SAMSN1: variants seen among roughly 807,000 people sequenced by gnomAD.
SAMSN1 encodes the protein SAM domain, SH3 domain and nuclear localization signals 1, also known as SAM domain-containing protein SAMSN-1.
In SAMSN1, 31 loss-of-function variants were observed where a neutral mutation model predicts 42.0. The ratio of observed to expected loss-of-function variants is 0.74; its 90% CI spans 0.55 to 1.00. SAMSN1 has a LOEUF of 1.00. SAMSN1 is among the 50% of genes least tolerant of loss of function. The pLI is 0.00. For synonymous variants in SAMSN1, 178 were observed against 151.9 expected, an observed-to-expected ratio of 1.17 and a Z score of -1.26; for missense variants, 464 against 439.4, an observed-to-expected ratio of 1.06 and a Z score of -0.50.
intron 2 of SAMSN1, among the ~76,000 whole-genome samples, chr21:14,641,268 T>G (rs1398225636): frequency 6.6e-6 from 1 of 152,144 alleles, no homozygotes. Context: ...GAAAAATATT[T>G]TTGTATTATT....
chr21:14,606,716 A>G (rs1317216074), intron 5 of SAMSN1, among the ~76,000 whole-genome samples: 1 of 152,150 alleles, frequency 6.6e-6, no homozygotes, highest in Admixed American at 6.5e-5. Flanking sequence ...TATTTTACAG[A>G]TGTAGTCTCT....
intron 5 of SAMSN1, among the ~76,000 whole-genome samples, chr21:14,509,030 C>T (rs1001517172): frequency 6.6e-5 from 10 of 151,872 alleles, no homozygotes; most frequent in African/African-American, 1.5e-4. Flanking sequence ...GGAGGAGAAT[C>T]GCTTGAACCC....
intron 1 of SAMSN1, among the ~76,000 whole-genome samples, chr21:14,643,291 A>T (rs1342050253): frequency 6.6e-6 from 1 of 152,238 alleles, no homozygotes; most frequent in Non-Finnish European, 1.5e-5. Context: ...AACAGTGAAC[A>T]ATACAGTAAA....
chr21:14,608,947 GTTAAGTACTT>G (rs1982632267), intron 5 of SAMSN1, among the ~76,000 whole-genome samples: 1 of 151,942 alleles, frequency 6.6e-6, no homozygotes, highest in Non-Finnish European at 1.5e-5. Context: ...CCTTCCCAAA[GTTAAGTACTT>G]TTAATTATGA....
intron 2 of SAMSN1, among the ~76,000 whole-genome samples, chr21:14,578,866 C>A (rs1399935657): frequency 6.6e-6 from 1 of 151,954 alleles, no homozygotes; most frequent in African/African-American, 2.4e-5. Context: ...CACACTCTTA[C>A]CCTTTTAAAT....
intron 2 of SAMSN1, among the ~76,000 whole-genome samples, chr21:14,561,994 G>A (rs1489725563): frequency 6.6e-6 from 1 of 152,232 alleles, no homozygotes; most frequent in Non-Finnish European, 1.5e-5. Flanking sequence ...TGGACTTTTA[G>A]CCTCCAGAAC....
At chr21:14,624,861 C>T (rs1056930862) in intron 2 of SAMSN1, among the ~76,000 whole-genome samples, 9 of 152,040 alleles carry the variant, frequency 5.9e-5, no homozygotes, top group East Asian at 1.9e-4. Flanking sequence ...TGATGAACAT[C>T]GATGTAAAAA....
At chr21:14,499,524 A>C (rs962627143) in intron 6 of SAMSN1, among the ~76,000 whole-genome samples, 2 of 151,796 alleles carry the variant, frequency 1.3e-5, no homozygotes, top group Non-Finnish European at 2.9e-5. Context: ...AAAAGCAAGA[A>C]GAATGACAAT....
At chr21:14,511,598 C>G (rs1987690910) in intron 4 of SAMSN1, among the ~76,000 whole-genome samples, 1 of 152,146 alleles carries the variant, frequency 6.6e-6, no homozygotes, top group Non-Finnish European at 1.5e-5. Flanking sequence ...CTTCAGATAA[C>G]AGAAGCAGTT....
chr21:14,499,982 G>C (rs1987077388), intron 6 of SAMSN1, among the ~76,000 whole-genome samples: 1 of 152,038 alleles, frequency 6.6e-6, no homozygotes, highest in African/African-American at 2.4e-5. Context: ...AAAGAATTTT[G>C]GTAATATAAC....
intron 2 of SAMSN1, chr21:14,616,052 A>C (rs933808322): frequency 1.8e-6 from 1 of 561,130 alleles, no homozygotes; most frequent in Non-Finnish European, 3.3e-6. Flanking sequence ...AATAAAATAA[A>C]TAACATAAAA....
chr21:14,524,931 A>G (rs891071956), intron 1 of SAMSN1, among the ~76,000 whole-genome samples: 5 of 152,204 alleles, frequency 3.3e-5, no homozygotes, highest in Admixed American at 6.5e-5. Flanking sequence ...CATCAGTTAC[A>G]TTGGGAAATG....
chr21:14,527,053 C>A (rs17003466), intron 1 of SAMSN1, among the ~76,000 whole-genome samples: 2,834 of 152,292 alleles, frequency 0.019, 45 homozygotes, highest in African/African-American at 0.035. Context: ...TTGTGAGGCA[C>A]ACATCTGCAG....
chr21:14,609,571 A>G, intron 4 of SAMSN1: 1 of 717,878 alleles, frequency 1.4e-6, no homozygotes, highest in Non-Finnish European at 2.6e-6. Flanking sequence ...TTTTCCTTCT[A>G]AAGTGAAGCA....
chr21:14,565,233 T>C (rs1435385994), intron 2 of SAMSN1, among the ~76,000 whole-genome samples: 2 of 150,040 alleles, frequency 1.3e-5, no homozygotes, highest in African/African-American at 4.9e-5. Flanking sequence ...GAGGCGGAGG[T>C]TGCAGTGAGC....
chr21:14,643,826 C>A (rs554618480), intron 1 of SAMSN1, among the ~76,000 whole-genome samples: 1 of 152,304 alleles, frequency 6.6e-6, no homozygotes, highest in South Asian at 2.1e-4. Flanking sequence ...TACCGTGGCA[C>A]CTGCGGCCTG....
At chr21:14,573,646 G>A (rs1037552536) in intron 2 of SAMSN1, among the ~76,000 whole-genome samples, 1 of 152,128 alleles carries the variant, frequency 6.6e-6, no homozygotes, top group African/African-American at 2.4e-5. Flanking sequence ...AAATTAGAAA[G>A]AAACCTTTAT....
At chr21:14,486,199 A>G in intron 7 of SAMSN1, 85 bp from the exon 8 acceptor site, 1 of 898,210 alleles carries the variant, frequency 1.1e-6, no homozygotes, top group Non-Finnish European at 1.8e-6. Flanking sequence ...GTATTATCCT[A>G]TTTTAACTGT....
chr21:14,568,661 G>C (rs1159537519), intron 2 of SAMSN1, among the ~76,000 whole-genome samples: 1 of 152,068 alleles, frequency 6.6e-6, no homozygotes, highest in Non-Finnish European at 1.5e-5. Context: ...CAGCTGGCTT[G>C]TCCTCCAACC....
Sources: allele counts gnomAD v4.1 joint callset (sites outside exome capture counted in the v4.1 genomes callset), GRCh38; gene constraint gnomAD v4.1.1; transcripts MANE v1.5; gene names NCBI Gene and HGNC (gene_info 2026-07-23, HGNC 2026-07-21).